The following HDAC4 variants were observed in gnomAD, a reference collection of about 807,000 sequenced individuals.
HDAC4 encodes histone deacetylase 4.
Under a neutral mutation model 135.1 loss-of-function variants are expected in HDAC4, and 16 were observed. The ratio of observed to expected loss-of-function variants is 0.12; its 90% CI spans 0.08 to 0.18. HDAC4 has a LOEUF of 0.18. HDAC4 is among the 10% of genes least tolerant of loss of function. The pLI, the probability that HDAC4 is intolerant of heterozygous loss-of-function variation, is 1.00. For synonymous variants in HDAC4, 685 were observed against 653.4 expected (o/e 1.05, Z -0.74); for missense variants, 1,143 against 1,511.8 (o/e 0.76, Z 4.05).
intron 2 of HDAC4, among the ~76,000 whole-genome samples, chr2:239,260,171 G>A (rs370193885): frequency 9.8e-5 from 15 of 152,328 alleles, no homozygotes; most frequent in African/African-American, 3.4e-4. Context: ...GCCCCTCTGC[G>A]GACCGCGTGT....
At chr2:239,294,538 C>A (rs1379115963) in intron 2 of HDAC4, among the ~76,000 whole-genome samples, 18 of 152,154 alleles carry the variant, frequency 1.2e-4, no homozygotes. Context: ...TAGACCTAGG[C>A]TTCTGAGTAG....
chr2:239,342,001 C>T (rs1251602137), intron 2 of HDAC4, among the ~76,000 whole-genome samples: 1 of 152,190 alleles, frequency 6.6e-6, no homozygotes, highest in Non-Finnish European at 1.5e-5. Context: ...AAGGCACCAT[C>T]TGTGAAGCAG....
Position 239,169,329 on chromosome 2 carries a change from G to A in HDAC4, c.491-5406C>T, listed in dbSNP as rs148435376. On this transcript the variant is annotated intron_variant, in intron 5 of 26. Coordinates refer to ENST00000543185, the MANE Select transcript of HDAC4 (RefSeq NM_001378414.1). ...GGCAGAGGCCCCAGTGCTTGGGCCC[G>A]TGGCGCACACCCGCGATGTGGGTCC... is the stretch of plus-strand genomic sequence containing the variant. Among the ~76,000 whole-genome samples, 42 of 152,334 alleles carry A rather than the reference G, an allele frequency of 2.8e-4. No homozygotes were observed. In the East Asian group the frequency reaches 4.1e-3, roughly 15 times the overall value.
At chr2:239,359,531 G>T (rs1313980051) in intron 1 of HDAC4, among the ~76,000 whole-genome samples, 1 of 152,222 alleles carries the variant, frequency 6.6e-6, no homozygotes, top group Non-Finnish European at 1.5e-5. Flanking sequence ...TCTAGGATAG[G>T]CCGAGATGAC....
At position 239,094,859 on chromosome 2, in the gene HDAC4, A is replaced by G. The variant is rs1030152058; in HGVS notation, c.2280+151T>C. 31 of 1,572,096 alleles carry G rather than the reference A, an allele frequency of 2.0e-5. No individual in the cohort carries two copies. In the Admixed American group the frequency reaches 4.5e-4, roughly 23 times the overall value. On this transcript the variant is annotated intron_variant, in intron 17 of 26. Transcript: ENST00000543185. ...GGCGATCAAAACGCTCTCGGCTCAC[A>G]CGGCCTTTGAAGCCGCACATGGGCA... is the stretch of plus-strand genomic sequence containing the variant.
At chr2:239,128,931 T>C (rs1270270685) in intron 11 of HDAC4, among the ~76,000 whole-genome samples, 4 of 152,162 alleles carry the variant, frequency 2.6e-5, no homozygotes, top group Non-Finnish European at 4.4e-5. Flanking sequence ...GCTCCCAGGC[T>C]CCTTCTGGTC....
In HDAC4 at chr2:239,352,701, G is replaced by T; in HGVS notation, c.-2C>A. 6.4e-7 allele frequency: 1 copy of T among 1,557,668 alleles called. No homozygotes were observed. Among genetic ancestry groups the T allele is most frequent in the Non-Finnish European group, 8.7e-7 (1 of 1,149,508 alleles). The stretch of plus-strand genomic sequence containing the variant: ...ACCTGGATGGCTTTGGGAGCTCATT[G>T]CTAGCAATGTCCACTCCTTTAAGTG... On this transcript the variant is annotated 5_prime_UTR_variant, in exon 2 of 27. Transcript: ENST00000543185. This position sits in a 1 kb window ranked among gnomAD's most constrained non-coding sequence, Gnocchi z 4.4.
At chr2:239,275,130 G>A (rs933962830) in intron 2 of HDAC4, among the ~76,000 whole-genome samples, 1 of 151,796 alleles carries the variant, frequency 6.6e-6, no homozygotes, top group African/African-American at 2.4e-5. Flanking sequence ...TCCCGTGGCT[G>A]ACGGGGATCG....
chr2:239,094,316 C>G, intron 17 of HDAC4: 10 of 985,346 alleles, frequency 1.0e-5, no homozygotes, highest in Non-Finnish European at 1.2e-5. Context: ...AGTTTGATTG[C>G]AAGACCTGAC....
At chr2:239,348,540 G>C (rs1692885892) in intron 2 of HDAC4, among the ~76,000 whole-genome samples, 1 of 152,192 alleles carries the variant, frequency 6.6e-6, no homozygotes, top group South Asian at 2.1e-4. Flanking sequence ...GGAAAACAAG[G>C]GAATGGGAGA....
rs2030735788 is a variant in HDAC4 at position 239,050,823 on chromosome 2, TG to T, written c.*2273del. 6.6e-6 allele frequency: 1 copy of T among 152,562 alleles called. No homozygotes were observed. The highest frequency in any genetic ancestry group is 6.5e-5 in the Admixed American group (1 of 15,278). The allele number at this position is 152,562 out of a possible 1,614,324, so 9.5% of individuals were successfully genotyped here. Reference sequence around the variant, plus strand: ...CCAGTAAAACGTGACTGTCAGTTACTGTTGAAGAGAAAAAGAGTAAAGACTG... The same window carrying T: ...CCAGTAAAACGTGACTGTCAGTTACTTTGAAGAGAAAAAGAGTAAAGACTG... On this transcript the variant is annotated 3_prime_UTR_variant, in exon 27 of 27. Coordinates refer to ENST00000543185, the MANE Select transcript of HDAC4 (RefSeq NM_001378414.1).
At chr2:239,135,235 A>C (rs940966620) in intron 9 of HDAC4, among the ~76,000 whole-genome samples, 5 of 152,206 alleles carry the variant, frequency 3.3e-5, no homozygotes, top group African/African-American at 1.2e-4. Flanking sequence ...AAATATATAC[A>C]TTATGTACCC....
chr2:239,328,957 T>C (rs1401395709), intron 2 of HDAC4, among the ~76,000 whole-genome samples: 1 of 152,228 alleles, frequency 6.6e-6, no homozygotes, highest in African/African-American at 2.4e-5. Context: ...GGAATTCTTT[T>C]TAAGAAACCA....
At chr2:239,237,637 C>T (rs1190164585) in intron 2 of HDAC4, among the ~76,000 whole-genome samples, 5 of 151,854 alleles carry the variant, frequency 3.3e-5, no homozygotes, top group South Asian at 2.1e-4. Flanking sequence ...ATTGCCAACC[C>T]GTGCATGTCC....
chr2:239,372,426 C>T (rs1003816104), intron 1 of HDAC4, among the ~76,000 whole-genome samples: 2 of 152,272 alleles, frequency 1.3e-5, no homozygotes, highest in African/African-American at 4.8e-5. Context: ...CACAGGTGAT[C>T]TCTGTCCCTG....
intron 22 of HDAC4, 195 bp downstream of exon 22, chr2:239,080,900 T>C (rs2035250446): frequency 1.7e-6 from 1 of 593,146 alleles, no homozygotes; most frequent in East Asian, 2.8e-5. Context: ...CACTAAGAGC[T>C]GATGGTAAGA....
intron 7 of HDAC4, among the ~76,000 whole-genome samples, chr2:239,154,447 T>C (rs933526395): frequency 6.6e-5 from 10 of 152,006 alleles, no homozygotes; most frequent in African/African-American, 2.4e-4. Flanking sequence ...ACAGAGCTAT[T>C]ACATGAATGA....
intron 16 of HDAC4, among the ~76,000 whole-genome samples, chr2:239,102,289 C>T (rs2152764097): frequency 1.3e-5 from 2 of 152,300 alleles, no homozygotes; most frequent in South Asian, 4.1e-4. Flanking sequence ...CAGAGGATGC[C>T]CATTAGAAAG....
intron 2 of HDAC4, among the ~76,000 whole-genome samples, chr2:239,278,493 T>A (rs1395327655): frequency 6.6e-6 from 1 of 152,150 alleles, no homozygotes; most frequent in Non-Finnish European, 1.5e-5. Context: ...TTGGCCAACA[T>A]GGCAAGACAC....
Sources: allele counts gnomAD v4.1 joint callset (sites outside exome capture counted in the v4.1 genomes callset), GRCh38; gene constraint gnomAD v4.1.1; non-coding constraint Gnocchi (gnomAD v3.1); transcripts MANE v1.5; gene names NCBI Gene and HGNC (gene_info 2026-07-23, HGNC 2026-07-21).